The following NCAM1 variants were observed in gnomAD, a reference collection of about 807,000 sequenced individuals.
NCAM1 encodes neural cell adhesion molecule 1.
NCAM1 carries 14 observed loss-of-function variants against 109.8 expected under a neutral mutation model. That is an observed-to-expected ratio of 0.13 (90% CI 0.08 to 0.20). NCAM1 has a LOEUF of 0.20. Ranked by LOEUF, NCAM1 falls within the 10% of genes least tolerant of loss-of-function variation. The pLI, the probability that NCAM1 is intolerant of heterozygous loss-of-function variation, is 1.00. For missense variants in NCAM1, 774 were observed against 1,109.9 expected (o/e 0.70, Z 4.30); for synonymous variants, 418 against 442.9 (o/e 0.94, Z 0.70).
chr11:113,204,646 C>T, intron 3 of NCAM1, 142 bp downstream of exon 3: 1 of 786,692 alleles, frequency 1.3e-6, no homozygotes, highest in Admixed American at 2.7e-5. Flanking sequence ...TCTTTTCTGA[C>T]CTTGGCCAAC....
intron 1 of NCAM1, among the ~76,000 whole-genome samples, chr11:112,993,871 T>A (rs1951528194): frequency 6.6e-6 from 1 of 152,182 alleles, no homozygotes; most frequent in South Asian, 2.1e-4. Flanking sequence ...CCTTCTGAAG[T>A]TTTTTTAGTG....
In NCAM1 at chr11:113,275,441, C is replaced by T. The variant is rs917183301; in HGVS notation, c.*54C>T. ...AATAAAAAGTGACACAGCAGCTTCA[C>T]CAGAGCATTTCCAACACCACAGACA... On this transcript the variant is annotated 3_prime_UTR_variant, in exon 20 of 20. Transcript: ENST00000316851. The T allele has an allele frequency of 8.9e-6, 14 of 1,578,760 alleles. No homozygotes were observed. Among genetic ancestry groups the T allele is most frequent in the Middle Eastern group, 1.7e-4 (1 of 6,028 alleles).
chr11:113,151,555 A>G (rs368200255), intron 1 of NCAM1, among the ~76,000 whole-genome samples: 2 of 152,236 alleles, frequency 1.3e-5, no homozygotes, highest in Admixed American at 6.5e-5. Context: ...AGAAAAAGCC[A>G]TAGAACTTCC....
At chr11:112,970,285 CAG>C (rs1209887210) in intron 1 of NCAM1, among the ~76,000 whole-genome samples, 1 of 152,100 alleles carries the variant, frequency 6.6e-6, no homozygotes, top group Non-Finnish European at 1.5e-5. Context: ...TGGGAATTAG[CAG>C]AGAGTTAAGT....
intron 1 of NCAM1, among the ~76,000 whole-genome samples, chr11:112,972,682 A>G (rs1184352227): frequency 2.0e-5 from 3 of 152,176 alleles, no homozygotes; most frequent in Admixed American, 2.0e-4. Context: ...GGGCAGCAGT[A>G]CTAAGGGTGG....
chr11:113,085,273 C>T (rs1259956727), intron 1 of NCAM1, among the ~76,000 whole-genome samples: 1 of 152,136 alleles, frequency 6.6e-6, no homozygotes, highest in African/African-American at 2.4e-5. Flanking sequence ...AAGTGAGACC[C>T]GTTATTGTTT....
chr11:113,138,098 G>A (rs1941672321), intron 1 of NCAM1, among the ~76,000 whole-genome samples: 1 of 152,172 alleles, frequency 6.6e-6, no homozygotes, highest in East Asian at 1.9e-4. Context: ...ACAGCAGAGA[G>A]CAGAGAAAGC....
intron 1 of NCAM1, among the ~76,000 whole-genome samples, chr11:113,170,391 CTT>C (rs1411032947): frequency 6.6e-6 from 1 of 152,222 alleles, no homozygotes; most frequent in African/African-American, 2.4e-5. Flanking sequence ...AGCCAGTCCT[CTT>C]TGGTTTTCTG....
chr11:113,092,063 C>A (rs1387296205), intron 1 of NCAM1, among the ~76,000 whole-genome samples: 2 of 152,030 alleles, frequency 1.3e-5, no homozygotes, highest in Non-Finnish European at 2.9e-5. Flanking sequence ...GACAGCCTTC[C>A]TCTCGGTGGA....
At chr11:113,002,144 A>G (rs1300398371) in intron 1 of NCAM1, among the ~76,000 whole-genome samples, 2 of 152,216 alleles carry the variant, frequency 1.3e-5, no homozygotes, top group Admixed American at 6.5e-5. Flanking sequence ...AGGGTGGAAG[A>G]GTCAACCTCA....
intron 1 of NCAM1, among the ~76,000 whole-genome samples, chr11:113,167,923 T>C (rs1942860994): frequency 6.6e-6 from 1 of 152,126 alleles, no homozygotes. Context: ...GGTTTTCTCT[T>C]CTCTCCCCAA....
intron 1 of NCAM1, among the ~76,000 whole-genome samples, chr11:113,033,184 C>T (rs989210077): frequency 1.3e-5 from 2 of 152,172 alleles, no homozygotes; most frequent in South Asian, 2.1e-4. Context: ...GGGTGAGCTG[C>T]GCATCTGAAA....
intron 1 of NCAM1, among the ~76,000 whole-genome samples, chr11:113,193,444 G>C (rs570673999): frequency 6.3e-4 from 96 of 152,228 alleles, no homozygotes; most frequent in African/African-American, 2.1e-3. Context: ...TCAGGAGTTC[G>C]AGACCAGCCT....
intron 1 of NCAM1, among the ~76,000 whole-genome samples, chr11:113,168,151 T>C (rs555225896): frequency 7.2e-5 from 11 of 152,206 alleles, no homozygotes; most frequent in Non-Finnish European, 1.5e-4. Flanking sequence ...TCAAATCCAT[T>C]TGAAGGATGT....
At chr11:113,114,079 A>G (rs1555094329) in intron 1 of NCAM1, among the ~76,000 whole-genome samples, 5 of 152,108 alleles carry the variant, frequency 3.3e-5, no homozygotes, top group Non-Finnish European at 1.5e-5. Context: ...GAAAGTGGAG[A>G]CCTTGAATAT....
intron 1 of NCAM1, among the ~76,000 whole-genome samples, chr11:113,010,110 A>T (rs1172909534): frequency 6.6e-6 from 1 of 152,212 alleles, no homozygotes; most frequent in African/African-American, 2.4e-5. Context: ...ATTTTCTGAA[A>T]GTAGGAAACT....
At chr11:113,208,563 C>A (rs1555113268) in intron 7 of NCAM1, among the ~76,000 whole-genome samples, 2 of 151,906 alleles carry the variant, frequency 1.3e-5, no homozygotes, top group Non-Finnish European at 2.9e-5. Flanking sequence ...TCTGATCCAC[C>A]ATTCAGATCT....
chr11:112,992,986 C>A (rs1393099594), intron 1 of NCAM1, among the ~76,000 whole-genome samples: 1 of 152,138 alleles, frequency 6.6e-6, no homozygotes, highest in Non-Finnish European at 1.5e-5. Flanking sequence ...CCCTATGTCA[C>A]CCTACTTCAC....
In NCAM1 at chr11:113,011,590, G is replaced by A. The variant is rs1264514834; in HGVS notation, c.52+49926G>A. Among the ~76,000 whole-genome samples the A allele has an allele frequency of 7.2e-5, 11 of 152,156 alleles. 1 individual carries two copies. ...TTACAGTCCCACCAACAGTGTAAAA[G>A]CGTTCCTATTTCTCCACATCCTCTC... On this transcript the variant is annotated intron_variant, in intron 1 of 19. Coordinates refer to ENST00000316851, the MANE Select transcript of NCAM1 (RefSeq NM_181351.5).
Sources: allele counts gnomAD v4.1 joint callset (sites outside exome capture counted in the v4.1 genomes callset), GRCh38; gene constraint gnomAD v4.1.1; transcripts MANE v1.5; gene names NCBI Gene and HGNC (gene_info 2026-07-23, HGNC 2026-07-21).